BLTP3B: variants seen among roughly 807,000 people sequenced by gnomAD.
The protein encoded by BLTP3B is UHRF1 (ICBP90) binding protein 1-like.
chr12:100,067,521 C>G, the BLTP3B span, among the ~76,000 whole-genome samples: 1 of 151,992 alleles, frequency 6.6e-6, no homozygotes, highest in Non-Finnish European at 1.5e-5. Context: ...ACTGACACCA[C>G]AGAAATACAA....
the BLTP3B span, among the ~76,000 whole-genome samples, chr12:100,104,591 C>T: frequency 6.6e-6 from 1 of 151,386 alleles, no homozygotes; most frequent in Non-Finnish European, 1.5e-5. Flanking sequence ...AGCTTAACAA[C>T]CTGTTTAATC....
the BLTP3B span, among the ~76,000 whole-genome samples, chr12:100,052,798 T>TTG: frequency 6.8e-6 from 1 of 147,928 alleles, no homozygotes; most frequent in African/African-American, 2.5e-5. Flanking sequence ...CTGTTTTTTT[T>TTG]TTTTTTTTTT....
the BLTP3B span, among the ~76,000 whole-genome samples, chr12:100,045,638 T>C: frequency 6.6e-6 from 1 of 152,272 alleles, no homozygotes; most frequent in South Asian, 2.1e-4. Flanking sequence ...TTAGAAAACC[T>C]AGGCAATACC....
At chr12:100,049,740 A>G in the BLTP3B span, among the ~76,000 whole-genome samples, 1 of 152,208 alleles carries the variant, frequency 6.6e-6, no homozygotes, top group African/African-American at 2.4e-5. Flanking sequence ...GTTCTTTCCC[A>G]TAGCAAGAAA....
At chr12:100,109,864 A>T in the BLTP3B span, among the ~76,000 whole-genome samples, 1 of 152,256 alleles carries the variant, frequency 6.6e-6, no homozygotes, top group Admixed American at 6.5e-5. Flanking sequence ...ATGCGTGACT[A>T]TTTCATTTAG....
At chr12:100,109,159 C>CCTCTCTCTCTCT in the BLTP3B span, among the ~76,000 whole-genome samples, 2 of 65,368 alleles carry the variant, frequency 3.1e-5, no homozygotes, top group South Asian at 7.6e-4. Context: ...TGGCAGTTTT[C>CCTCTCTCTCTCT]CTCTCTCTCT....
the BLTP3B span, among the ~76,000 whole-genome samples, chr12:100,044,848 C>T: frequency 2.6e-5 from 4 of 152,230 alleles, no homozygotes; most frequent in East Asian, 7.7e-4. Flanking sequence ...GTTTAGAAAA[C>T]CCCACCATCT....
the BLTP3B span, among the ~76,000 whole-genome samples, chr12:100,085,566 T>A: frequency 6.6e-6 from 1 of 152,106 alleles, no homozygotes; most frequent in Non-Finnish European, 1.5e-5. Flanking sequence ...GGTACCAACA[T>A]AGAAATGACA....
chr12:100,062,711 C>T, the BLTP3B span, among the ~76,000 whole-genome samples: 2 of 152,114 alleles, frequency 1.3e-5, no homozygotes, highest in African/African-American at 4.8e-5. Context: ...TCTGTAATCC[C>T]AGCGCTTTGG....
At chr12:100,103,904 A>G in the BLTP3B span, 4 of 1,598,044 alleles carry the variant, frequency 2.5e-6, no homozygotes, top group Non-Finnish European at 3.4e-6. Flanking sequence ...AAGTGGTTTC[A>G]GAACTCACCA....
chr12:100,050,448 G>A, the BLTP3B span: 1 of 756,484 alleles, frequency 1.3e-6, no homozygotes, highest in South Asian at 3.4e-5. Context: ...GTATACTTGT[G>A]ACCTACAGAA....
At chr12:100,109,194 C>A in the BLTP3B span, among the ~76,000 whole-genome samples, 1 of 150,068 alleles carries the variant, frequency 6.7e-6, no homozygotes, top group Non-Finnish European at 1.5e-5. Context: ...CTCTCTCTCT[C>A]TCTCTCTCTC....
chr12:100,055,200 G>A, the BLTP3B span, among the ~76,000 whole-genome samples: 3 of 152,128 alleles, frequency 2.0e-5, no homozygotes, highest in East Asian at 5.8e-4. Context: ...TGACTAACTG[G>A]GTTCAAATGC....
the BLTP3B span, chr12:100,047,737 T>G: frequency 9.2e-7 from 1 of 1,086,142 alleles, no homozygotes; most frequent in Non-Finnish European, 1.4e-6. Flanking sequence ...TCAGCTGATA[T>G]AGCGAGAAAA....
chr12:100,110,580 T>G, the BLTP3B span, among the ~76,000 whole-genome samples: 3 of 152,122 alleles, frequency 2.0e-5, no homozygotes, highest in African/African-American at 4.8e-5. Flanking sequence ...TTGTGGAGTT[T>G]TCAGTTTAGT....
the BLTP3B span, among the ~76,000 whole-genome samples, chr12:100,137,740 T>C: frequency 6.6e-6 from 1 of 152,170 alleles, no homozygotes; most frequent in Non-Finnish European, 1.5e-5. Flanking sequence ...CCTCTTACCT[T>C]TATTAGTAGT....
chr12:100,117,591 A>T, the BLTP3B span, among the ~76,000 whole-genome samples: 2 of 151,574 alleles, frequency 1.3e-5, no homozygotes, highest in African/African-American at 4.8e-5. Context: ...CGACCTCCTA[A>T]GATCCTCCCC....
the BLTP3B span, among the ~76,000 whole-genome samples, chr12:100,056,824 G>GAAA: frequency 1.5e-5 from 2 of 137,560 alleles, no homozygotes; most frequent in Non-Finnish European, 3.2e-5. Context: ...GCGACAGAGT[G>GAAA]AAAAAAAAAA....
At chr12:100,129,382 T>G in the BLTP3B span, among the ~76,000 whole-genome samples, 1 of 152,220 alleles carries the variant, frequency 6.6e-6, no homozygotes, top group Non-Finnish European at 1.5e-5. Context: ...GTTCTATGTA[T>G]TCTATGGAGG....
Sources: gnomAD v4.1 joint callset for allele counts (sites outside exome capture counted in the v4.1 genomes callset) on GRCh38, gnomAD v4.1.1 for gene constraint, MANE v1.5 for transcripts, NCBI Gene and HGNC (gene_info 2026-07-23, HGNC 2026-07-21) for gene names.